The following PTPRM variants were observed in gnomAD, a reference collection of about 807,000 sequenced individuals.
PTPRM encodes receptor-type tyrosine-protein phosphatase mu.
A neutral mutation model predicts 186.7 loss-of-function variants in PTPRM; 47 were observed. The observed-to-expected ratio is 0.25, with a 90% CI of 0.20 to 0.32. The LOEUF is 0.32. Among genes scored for constraint, PTPRM ranks in the 10% least tolerant of loss-of-function variants. The pLI is 1.00. For missense variants in PTPRM, 1,494 were observed against 1,865.0 expected (o/e 0.80, Z 3.66); for synonymous variants, 668 against 674.9 (o/e 0.99, Z 0.16).
At chr18:7,579,145 T>G (rs1346854077) in intron 1 of PTPRM, among the ~76,000 whole-genome samples, 1 of 152,130 alleles carries the variant, frequency 6.6e-6, no homozygotes, top group Non-Finnish European at 1.5e-5. Flanking sequence ...CCCCTGAAAT[T>G]AGCAAAATAA....
intron 19 of PTPRM, among the ~76,000 whole-genome samples, chr18:8,272,775 T>G (rs936719426): frequency 1.3e-5 from 2 of 152,150 alleles, no homozygotes; most frequent in African/African-American, 4.8e-5. Flanking sequence ...GTTTTATATA[T>G]TTTTTAGATC....
intron 14 of PTPRM, among the ~76,000 whole-genome samples, chr18:8,183,472 T>TATC (rs2093604214): frequency 1.3e-5 from 2 of 152,220 alleles, no homozygotes; most frequent in African/African-American, 4.8e-5. Flanking sequence ...TGTCCTGCAA[T>TATC]ATCTGCTTCA....
intron 13 of PTPRM, among the ~76,000 whole-genome samples, chr18:8,132,815 A>G (rs1399338067): frequency 6.6e-6 from 1 of 152,166 alleles, no homozygotes; most frequent in Non-Finnish European, 1.5e-5. Flanking sequence ...ACGTTTTGCC[A>G]CTAGTATTTA....
rs115658260 is a variant in PTPRM, at chr18:7,689,307, A to G, written c.74-84842A>G. Reference sequence around the variant, plus strand: ...AAGTCCCTGAGTTCTAGGCAGTGTCATCTCAGACTGTTCGGGATTGGGCTC... The same window carrying G: ...AAGTCCCTGAGTTCTAGGCAGTGTCGTCTCAGACTGTTCGGGATTGGGCTC... On this transcript the variant is annotated intron_variant, in intron 1 of 32. Transcript: ENST00000580170. Among the ~76,000 whole-genome samples the G allele has an allele frequency of 6.3e-3, 964 of 152,326 alleles. 13 individuals carry two copies. The highest frequency in any genetic ancestry group is 0.022 in the African/African-American group (925 of 41,570).
intron 1 of PTPRM, among the ~76,000 whole-genome samples, chr18:7,594,806 G>C (rs896729294): frequency 6.6e-6 from 1 of 152,156 alleles, no homozygotes; most frequent in African/African-American, 2.4e-5. Flanking sequence ...GGAATAACTT[G>C]AAAACAATTG....
At chr18:7,772,034 T>C (rs2042291544) in intron 1 of PTPRM, among the ~76,000 whole-genome samples, 1 of 152,224 alleles carries the variant, frequency 6.6e-6, no homozygotes, top group African/African-American at 2.4e-5. Flanking sequence ...ACCAGCACCC[T>C]GTCTGCACTG....
intron 2 of PTPRM, among the ~76,000 whole-genome samples, chr18:7,841,910 G>T (rs905130759): frequency 6.6e-6 from 1 of 150,852 alleles, no homozygotes; most frequent in Admixed American, 6.7e-5. Context: ...ATTCTTCATA[G>T]ATATAAATAT....
At chr18:7,678,267 T>C (rs1373502366) in intron 1 of PTPRM, among the ~76,000 whole-genome samples, 1 of 152,146 alleles carries the variant, frequency 6.6e-6, no homozygotes, top group Non-Finnish European at 1.5e-5. Context: ...TGGCTGTATG[T>C]CTCCTTTTCC....
chr18:8,160,802 C>T (rs2093216186), intron 14 of PTPRM, among the ~76,000 whole-genome samples: 1 of 152,194 alleles, frequency 6.6e-6, no homozygotes, highest in Non-Finnish European at 1.5e-5. Flanking sequence ...GGTATTATTC[C>T]TCCAAGGGTG....
At chr18:8,133,134 A>G (rs1283831938) in intron 13 of PTPRM, among the ~76,000 whole-genome samples, 1 of 152,126 alleles carries the variant, frequency 6.6e-6, no homozygotes, top group Non-Finnish European at 1.5e-5. Context: ...CAATAATGAC[A>G]TTAATCCATT....
intron 7 of PTPRM, among the ~76,000 whole-genome samples, chr18:7,976,582 A>T (rs1338767304): frequency 7.2e-5 from 11 of 152,194 alleles, no homozygotes; most frequent in Admixed American, 7.2e-4. Context: ...CTGTTAACGT[A>T]AAACTATTCT....
At chr18:7,836,809 A>T (rs1195798030) in intron 2 of PTPRM, among the ~76,000 whole-genome samples, 1 of 152,160 alleles carries the variant, frequency 6.6e-6, no homozygotes, top group Non-Finnish European at 1.5e-5. Flanking sequence ...CAAATATGTC[A>T]TGCTACTTGC....
At chr18:8,034,807 C>G (rs1204757403) in intron 7 of PTPRM, among the ~76,000 whole-genome samples, 1 of 152,192 alleles carries the variant, frequency 6.6e-6, no homozygotes, top group Non-Finnish European at 1.5e-5. Context: ...TAACAGCCTT[C>G]CTTCATCTCA....
At chr18:8,169,144 A>G (rs1170709379) in intron 14 of PTPRM, among the ~76,000 whole-genome samples, 2 of 152,194 alleles carry the variant, frequency 1.3e-5, no homozygotes. Flanking sequence ...GATAAATGTC[A>G]TCGATATAGC....
chr18:8,062,203 T>TCATTTCATC (rs2088589621), intron 7 of PTPRM, among the ~76,000 whole-genome samples: 1 of 53,360 alleles, frequency 1.9e-5, no homozygotes, highest in Non-Finnish European at 3.7e-5. Flanking sequence ...TTCATTTCAT[T>TCATTTCATC]CATTTCATCT....
intron 2 of PTPRM, among the ~76,000 whole-genome samples, chr18:7,842,947 T>TATATATATATATATATATATATATAG (rs370746043): frequency 1.8e-5 from 2 of 112,132 alleles, no homozygotes; most frequent in African/African-American, 8.4e-5. Context: ...TATATATATA[T>TATATATATATATATATATATATATAG]AGAGAGAGAG....
intron 7 of PTPRM, among the ~76,000 whole-genome samples, chr18:8,015,249 G>T (rs2084785790): frequency 6.6e-6 from 1 of 152,162 alleles, no homozygotes; most frequent in African/African-American, 2.4e-5. Context: ...TGCTACAGTG[G>T]CCTACTGTTG....
At position 8,222,095 on chromosome 18, in the gene PTPRM, C is replaced by T. The variant is rs139623064; in HGVS notation, c.2301-21963C>T. Reference sequence around the variant, plus strand: ...AAGAATCATTCTTTGCTCAGTTAAACTCCATTACATTTAATTTGGCTAAAG... The same window carrying T: ...AAGAATCATTCTTTGCTCAGTTAAATTCCATTACATTTAATTTGGCTAAAG... On this transcript the variant is annotated intron_variant, in intron 14 of 32. Transcript: ENST00000580170. 1.5e-4 allele frequency among the ~76,000 whole-genome samples: 23 copies of T among 152,322 alleles called. No homozygotes were observed. In the East Asian group the frequency reaches 4.4e-3, roughly 29 times the overall value.
chr18:8,090,680 C>A (rs1166471740), intron 11 of PTPRM, among the ~76,000 whole-genome samples: 1 of 152,190 alleles, frequency 6.6e-6, no homozygotes, highest in Non-Finnish European at 1.5e-5. Flanking sequence ...ACTGCAGCCT[C>A]TGCCTCCCAG....
Sources: allele counts gnomAD v4.1 joint callset (sites outside exome capture counted in the v4.1 genomes callset), GRCh38; gene constraint gnomAD v4.1.1; transcripts MANE v1.5; gene names NCBI Gene and HGNC (gene_info 2026-07-23, HGNC 2026-07-21).